Variants in AOX1 observed in about 807,000 individuals in gnomAD.
AOX1 encodes aldehyde oxidase.
Under a neutral mutation model 169.5 loss-of-function variants are expected in AOX1, and 153 were observed. That is an observed-to-expected ratio of 0.90 (90% CI 0.79 to 1.03). The LOEUF (loss-of-function observed/expected upper bound fraction) is 1.03, where lower values mean the gene tolerates loss of function less well. AOX1 is among the 50% of genes least tolerant of loss of function. AOX1 has a pLI of 0.00. For synonymous variants in AOX1, 562 were observed against 581.9 expected (o/e 0.97, Z 0.49); for missense variants, 1,656 against 1,663.9 (o/e 1.00, Z 0.08).
chr2:200,605,097 C>A (rs574007192), intron 9 of AOX1, among the ~76,000 whole-genome samples: 2 of 152,350 alleles, frequency 1.3e-5, no homozygotes, highest in African/African-American at 4.8e-5. Context: ...AGCAAACCAG[C>A]AGCAGGAGCT....
At chr2:200,621,913 C>A (rs945702281) in intron 18 of AOX1, among the ~76,000 whole-genome samples, 1 of 152,056 alleles carries the variant, frequency 6.6e-6, no homozygotes, top group Admixed American at 6.6e-5. Flanking sequence ...TCACCATGCT[C>A]GGCTAATTTT....
chr2:200,660,902 A>C (rs1025343076), intron 29 of AOX1, among the ~76,000 whole-genome samples: 10 of 152,142 alleles, frequency 6.6e-5, no homozygotes, highest in African/African-American at 2.2e-4. Flanking sequence ...AGAAAGCCTG[A>C]GTCAGTGTGG....
chr2:200,608,030 A>G (rs1197940476), intron 10 of AOX1, among the ~76,000 whole-genome samples: 2 of 152,144 alleles, frequency 1.3e-5, no homozygotes, highest in African/African-American at 2.4e-5. Flanking sequence ...AAGGCTTAAA[A>G]CCTAGATGAC....
intron 19 of AOX1, among the ~76,000 whole-genome samples, chr2:200,627,150 A>G (rs985136812): frequency 6.6e-6 from 1 of 152,220 alleles, no homozygotes; most frequent in African/African-American, 2.4e-5. Context: ...CAGACTCAGT[A>G]GGCACATTTA....
At chr2:200,679,378 A>G (rs1390368042), downstream of AOX1, 2 of 152,124 alleles carry the variant, frequency 1.3e-5, no homozygotes, top group African/African-American at 4.8e-5. Context: ...CGTCACCACC[A>G]GAGAAGGTGT....
intron 33 of AOX1, 146 bp downstream of exon 33, chr2:200,668,949 CATT>C (rs2035975364): frequency 1.5e-6 from 1 of 688,184 alleles, no homozygotes. Flanking sequence ...TCTAATCTAA[CATT>C]ATGATAAAAA....
chr2:200,620,855 G>A, intron 17 of AOX1, 36 bp downstream of exon 17: 1 of 1,568,334 alleles, frequency 6.4e-7, no homozygotes, highest in African/African-American at 1.4e-5. Flanking sequence ...GGGCATAAAT[G>A]ATTGTCTTTT....
chr2:200,657,190 A>ATATATATATATTTTT, intron 27 of AOX1, among the ~76,000 whole-genome samples: 7 of 62,878 alleles, frequency 1.1e-4, no homozygotes, highest in South Asian at 6.6e-4. Flanking sequence ...ATATATATAT[A>ATATATATATATTTTT]TTTTTTTTTT....
chr2:200,661,927 C>T (rs920820214), intron 30 of AOX1, among the ~76,000 whole-genome samples: 1 of 152,014 alleles, frequency 6.6e-6, no homozygotes, highest in African/African-American at 2.4e-5. Context: ...TTGGAATACT[C>T]GGCAGTGGTT....
At chr2:200,605,503 C>A (rs1187630235) in intron 9 of AOX1, 33 bp from the exon 10 acceptor site, 2 of 1,109,446 alleles carry the variant, frequency 1.8e-6, no homozygotes, top group Non-Finnish European at 1.2e-6. Context: ...TTATTCTAGT[C>A]TTATTGATTT....
intron 2 of AOX1, 90 bp from the exon 3 acceptor site, chr2:200,595,182 G>T (rs888941872): frequency 2.5e-6 from 2 of 807,718 alleles, no homozygotes; most frequent in South Asian, 1.8e-5. Flanking sequence ...TAACATTTAA[G>T]AGTCTGTGAT....
At chr2:200,616,142 G>A (rs905055317) in intron 16 of AOX1, 79 bp downstream of exon 16, 50 of 1,031,134 alleles carry the variant, frequency 4.8e-5, no homozygotes, top group Middle Eastern at 2.0e-4. Flanking sequence ...CTGTCTCTCC[G>A]TGAAACTCAA....
At chr2:200,673,190 T>C (rs1033832342), downstream of AOX1, among the ~76,000 whole-genome samples, 1 of 152,186 alleles carries the variant, frequency 6.6e-6, no homozygotes, top group Admixed American at 6.5e-5. Context: ...GAGACAGCCA[T>C]GGGCCCTCTT....
chr2:200,643,257 G>A (rs996160409), intron 25 of AOX1, among the ~76,000 whole-genome samples: 1 of 151,210 alleles, frequency 6.6e-6, no homozygotes, highest in East Asian at 1.9e-4. Context: ...AGTTATTGGG[G>A]TACAGGTAGT....
Position 200,637,007 on chromosome 2 carries a change from G to A in AOX1, c.2443G>A (p.Gly815Arg), listed in dbSNP as rs144419430. 727 of 1,614,032 alleles carry A rather than the reference G, an allele frequency of 4.5e-4. 3 individuals are homozygous for A. The highest frequency in any genetic ancestry group is 3.3e-4 in the Middle Eastern group (2 of 6,058). The change falls in exon 22 of 35, where the codon GGA becomes AGA. Residue 815 changes from glycine to arginine, a missense_variant. Coordinates refer to ENST00000374700, the MANE Select transcript of AOX1 (RefSeq NM_001159.4). The part of the protein sequence containing the change: ...GAFGGKVLKT[G>R]IIAAVTAFAA... ...GTTTGGAGGGAAGGTGTTAAAAACCGGAATCATTGCAGCCGTCACTGCATT... is the reference window on the plus strand; with the variant it reads ...GTTTGGAGGGAAGGTGTTAAAAACCAGAATCATTGCAGCCGTCACTGCATT...
In AOX1 at chr2:200,604,835, C is replaced by A; in HGVS notation, c.809C>A (p.Ser270Tyr). 6.7e-7 allele frequency: 1 copy of A among 1,497,268 alleles called. No individual in the cohort carries two copies. The highest frequency in any genetic ancestry group is 9.0e-7 in the Non-Finnish European group (1 of 1,105,808). 92.7% of individuals were successfully genotyped at this position (1,497,268 alleles called of 1,614,324 possible). A position where few individuals can be genotyped will look rare whatever the true frequency, so the allele number is the denominator to read the frequency against. The change falls in exon 9 of 35, where the codon TCT becomes TAT. Residue 270 changes from serine to tyrosine, a missense_variant. Ser to Tyr is a moderately radical substitution (Grantham distance 144). Transcript: ENST00000374700. The stretch of plus-strand genomic sequence containing the variant: ...GCTCCTGTTATCATGGGAAACACCT[C>A]TGTGGGTATGTAGAACCCCAGGGAT... ...PQAPVIMGNT[S>Y]VGPEVKFKGV... is the part of the protein sequence containing the mutation.
chr2:200,608,883 T>G, intron 10 of AOX1, 101 bp from the exon 11 acceptor site: 1 of 1,017,656 alleles, frequency 9.8e-7, no homozygotes, highest in Non-Finnish European at 1.5e-6. Context: ...CAGGGCAGCA[T>G]GTATCCAGTA....
chr2:200,598,380 T>A (rs1479943210), intron 4 of AOX1, among the ~76,000 whole-genome samples: 3 of 152,136 alleles, frequency 2.0e-5, no homozygotes, highest in African/African-American at 7.2e-5. Flanking sequence ...AAGCACCTTG[T>A]TAGAGTTTTA....
chr2:200,657,079 T>A, intron 27 of AOX1, 142 bp downstream of exon 27: 1 of 421,558 alleles, frequency 2.4e-6, no homozygotes, highest in East Asian at 4.3e-5. Context: ...ATCCCAGCAT[T>A]TTGGGAGGCT....
Sources: gnomAD v4.1 joint callset for allele counts (sites outside exome capture counted in the v4.1 genomes callset) on GRCh38, gnomAD v4.1.1 for gene constraint, MANE v1.5 for transcripts, NCBI Gene and HGNC (gene_info 2026-07-23, HGNC 2026-07-21) for gene names.